Variants in KIAA0586 observed in about 807,000 individuals in gnomAD.
KIAA0586 encodes the protein KIAA0586.
KIAA0586 carries 144 observed loss-of-function variants against 169.8 expected under a neutral mutation model. That is an observed-to-expected ratio of 0.85 (90% confidence interval 0.74 to 0.97). The LOEUF (loss-of-function observed/expected upper bound fraction) is 0.97, where lower values mean the gene tolerates loss of function less well. Among genes scored for constraint, KIAA0586 ranks in the 50% least tolerant of loss-of-function variants. The pLI, the probability that KIAA0586 is intolerant of heterozygous loss-of-function variation, is 0.00. For synonymous variants in KIAA0586, 625 were observed against 612.4 expected (o/e 1.02, Z -0.30); for missense variants, 1,854 against 1,823.0 (o/e 1.02, Z -0.31).
chr14:58,485,863 G>A (rs534684331), intron 21 of KIAA0586, among the ~76,000 whole-genome samples: 1 of 151,912 alleles, frequency 6.6e-6, no homozygotes, highest in African/African-American at 2.4e-5. Context: ...TGATTTTTTG[G>A]TATGTTGTCA....
intron 24 of KIAA0586, among the ~76,000 whole-genome samples, 176 bp from the exon 25 acceptor site, chr14:58,489,988 T>A (rs943359021): frequency 6.6e-6 from 1 of 152,210 alleles, no homozygotes; most frequent in Non-Finnish European, 1.5e-5. Flanking sequence ...TGTTATAAAT[T>A]GTACTTCAAA....
intron 30 of KIAA0586, among the ~76,000 whole-genome samples, chr14:58,544,336 A>G (rs1047187799): frequency 4.6e-5 from 7 of 152,120 alleles, no homozygotes; most frequent in East Asian, 1.9e-4. Flanking sequence ...ACATTTGCAT[A>G]TATGTGTCTT....
rs186955114 is a variant in KIAA0586, at chr14:58,515,098, A to G, written c.4429+2471A>G. On this transcript the variant is annotated intron_variant, in intron 29 of 30. Coordinates refer to ENST00000652326, the MANE Select transcript of KIAA0586 (RefSeq NM_001329943.3). ...ATAAATTATCATTACAAAGTCAAAC[A>G]TACTATATACTACTATCAGTCAATG... 1.2e-4 allele frequency among the ~76,000 whole-genome samples: 19 copies of G among 152,206 alleles called. No homozygotes were observed. The East Asian group carries it at 3.7e-3, about 29-fold the overall frequency.
rs2044171690 is a variant in KIAA0586 at position 58,508,641 on chromosome 14, C to T, written c.4255C>T (p.Pro1419Ser). The T allele has an allele frequency of 2.5e-6, 4 of 1,596,240 alleles. No individual in the cohort carries two copies. In the South Asian group the frequency reaches 3.4e-5, roughly 14 times the overall value. ...ELEPNSKLVL[P>S]TTLLTAQEND... Reference sequence around the variant, plus strand: ...GGAGCCAAATTCTAAGCTGGTTCTTCCCACAACACTTCTGACAGCACAAGA... The same window carrying T: ...GGAGCCAAATTCTAAGCTGGTTCTTTCCACAACACTTCTGACAGCACAAGA... The change falls in exon 28 of 31, where the codon CCC becomes TCC. Residue 1419 changes from proline to serine, a missense_variant. By Grantham distance (74) the Pro-to-Ser change is moderately conservative. Transcript: ENST00000652326.
At chr14:58,460,690 A>G (rs538492066) in intron 13 of KIAA0586, among the ~76,000 whole-genome samples, 97 of 152,252 alleles carry the variant, frequency 6.4e-4, no homozygotes, top group African/African-American at 2.0e-3. Flanking sequence ...TTTTTATTGT[A>G]CTGGAGTATA....
rs571367395 is a variant in KIAA0586 at position 58,491,960 on chromosome 14, A to T, written c.3859-184A>T. Among the ~76,000 whole-genome samples, 25 of 152,340 alleles carry T rather than the reference A, an allele frequency of 1.6e-4. No homozygotes were observed. The South Asian group carries it at 1.7e-3, about 10-fold the overall frequency. ...ACTGTGGTTTATATTTGAGGCAAAG[A>T]TAGAGGGCTTTTATTATAGACAAAT... is the stretch of plus-strand genomic sequence containing the variant. On this transcript the variant is annotated intron_variant, in intron 25 of 30. Transcript: ENST00000652326.
In KIAA0586 at chr14:58,446,310, A is replaced by G. The variant is rs1442656078; in HGVS notation, c.808-2030A>G. On this transcript the variant is annotated intron_variant, in intron 6 of 30. Coordinates refer to ENST00000652326, the MANE Select transcript of KIAA0586 (RefSeq NM_001329943.3). Reference sequence around the variant, plus strand: ...CAGGAGTTCAAGACCAGCCTGGCCAACATGGTGAAACCTCATCTCTACCAA... The same window carrying G: ...CAGGAGTTCAAGACCAGCCTGGCCAGCATGGTGAAACCTCATCTCTACCAA... Among the ~76,000 whole-genome samples, 3 of 152,000 alleles carry G rather than the reference A, an allele frequency of 2.0e-5. No individual in the cohort carries two copies. The East Asian group carries it at 5.9e-4, about 30-fold the overall frequency.
At position 58,450,590 on chromosome 14, in the gene KIAA0586, G is replaced by A. The variant is rs915794364; in HGVS notation, c.973G>A (p.Glu325Lys). 1 of 1,599,818 alleles carries A rather than the reference G, an allele frequency of 6.3e-7. No individual in the cohort carries two copies. The highest frequency in any genetic ancestry group is 8.5e-7 in the Non-Finnish European group (1 of 1,175,364). ...ATTTTCTGTTAAAGCACCTTTAAAA[G>A]AAGTTGAAGATACGAGTTTTGATAA... Reference protein sequence around the residue: ...TFASKQAPLKEVEDTSFDKQK... With the variant: ...TFASKQAPLKKVEDTSFDKQK... Residue 325 changes from glutamate to lysine, a missense_variant, in exon 8 of 31, where the codon GAA becomes AAA. By Grantham distance (56) the Glu-to-Lys change is moderately conservative. Coordinates refer to ENST00000652326, the MANE Select transcript of KIAA0586 (RefSeq NM_001329943.3).
At chr14:58,528,621 A>T (rs532466349) in intron 29 of KIAA0586, among the ~76,000 whole-genome samples, 1 of 152,376 alleles carries the variant, frequency 6.6e-6, no homozygotes, top group East Asian at 1.9e-4. Flanking sequence ...AAATAATGAA[A>T]TTAAGACAGA....
At chr14:58,542,866 G>T (rs556824289) in intron 30 of KIAA0586, among the ~76,000 whole-genome samples, 1 of 152,232 alleles carries the variant, frequency 6.6e-6, no homozygotes, top group East Asian at 1.9e-4. Flanking sequence ...AGTCAGCCGG[G>T]CGTGGTGGCT....
At chr14:58,516,747 CTTA>C (rs1223816216) in intron 29 of KIAA0586, among the ~76,000 whole-genome samples, 1 of 151,836 alleles carries the variant, frequency 6.6e-6, no homozygotes, top group Admixed American at 6.6e-5. Context: ...AACTCTAAGA[CTTA>C]TTATAAAGCT....
intron 2 of KIAA0586, among the ~76,000 whole-genome samples, chr14:58,430,404 T>A (rs1329658637): frequency 6.6e-6 from 1 of 152,222 alleles, no homozygotes; most frequent in Admixed American, 6.5e-5. Context: ...ATCTCAGTGC[T>A]ACATTTGCTT....
chr14:58,429,521 A>G (rs2037185507), intron 2 of KIAA0586, 88 bp downstream of exon 2: 1 of 791,184 alleles, frequency 1.3e-6, no homozygotes. Context: ...GATTAGCAGC[A>G]TGCCTTGTTT....
At chr14:58,470,477 A>G (rs2041123831) in intron 16 of KIAA0586, 136 bp from the exon 17 acceptor site, 1 of 379,526 alleles carries the variant, frequency 2.6e-6, no homozygotes, top group African/African-American at 2.3e-5. Context: ...TGGGTTCACA[A>G]TAAAAACTTA....
chr14:58,428,385 C>A lies in KIAA0586; in HGVS notation c.121C>A (p.Pro41Thr), dbSNP rs1241244120. ...DHLVLLKDEL[P>T]CVPPALSANK... ...TTTGGTTTTGCTGAAAGATGAGTTG[C>A]CCTGTGTTCCTCCGGCATTGTCTGC... The change falls in exon 1 of 31, where the codon CCC becomes ACC. Residue 41 changes from proline to threonine, a missense_variant. Coordinates refer to ENST00000652326, the MANE Select transcript of KIAA0586 (RefSeq NM_001329943.3). 2 of 1,613,814 alleles carry A rather than the reference C, an allele frequency of 1.2e-6. No individual in the cohort carries two copies. Among genetic ancestry groups the A allele is most frequent in the Non-Finnish European group, 1.7e-6 (2 of 1,179,882 alleles).
rs529717313 is a variant in KIAA0586 at position 58,548,093 on chromosome 14, G to A, written c.*161G>A. Reference sequence around the variant, plus strand: ...AAAAAGCATAATTTGGGTATTTAAAGTTTTTAAATAAAATAAGTATAAGTC... The same window carrying A: ...AAAAAGCATAATTTGGGTATTTAAAATTTTTAAATAAAATAAGTATAAGTC... On this transcript the variant is annotated 3_prime_UTR_variant, in exon 31 of 31. Coordinates refer to ENST00000652326, the MANE Select transcript of KIAA0586 (RefSeq NM_001329943.3). 1.7e-4 allele frequency: 143 copies of A among 819,354 alleles called. 1 individual carries two copies. In the African/African-American group the frequency reaches 2.4e-3, roughly 13 times the overall value. The allele number at this position is 819,354 out of a possible 1,614,324, so 50.8% of individuals were successfully genotyped here.
At chr14:58,477,378 T>A in intron 20 of KIAA0586, 137 bp downstream of exon 20, 1 of 576,378 alleles carries the variant, frequency 1.7e-6, no homozygotes, top group Non-Finnish European at 3.1e-6. Flanking sequence ...TCTTAGTACT[T>A]CTTTGGTGAT....
chr14:58,550,226 G>C lies in KIAA0586; in HGVS notation c.*2294G>C, dbSNP rs552342007. The C allele has an allele frequency of 6.6e-6, 1 of 152,136 alleles. No homozygotes were observed. The highest frequency in any genetic ancestry group is 2.1e-4 in the South Asian group (1 of 4,812). 9.4% of individuals were successfully genotyped at this position (152,136 alleles called of 1,614,324 possible). On this transcript the variant is annotated 3_prime_UTR_variant, in exon 31 of 31. Coordinates refer to ENST00000652326, the MANE Select transcript of KIAA0586 (RefSeq NM_001329943.3). ...TTGGTCAGGCTAGTCCTGAACTCCC[G>C]ACCTCAGGTGATCTGCCTGCCTCAG...
intron 29 of KIAA0586, among the ~76,000 whole-genome samples, chr14:58,516,655 A>G (rs1232389323): frequency 1.3e-5 from 2 of 152,226 alleles, no homozygotes; most frequent in Non-Finnish European, 2.9e-5. Flanking sequence ...CTGAAGCTAA[A>G]ACTCTTGAGA....
Sources: allele counts gnomAD v4.1 joint callset (sites outside exome capture counted in the v4.1 genomes callset), GRCh38; gene constraint gnomAD v4.1.1; transcripts MANE v1.5; gene names NCBI Gene and HGNC (gene_info 2026-07-23, HGNC 2026-07-21).